ZNF536: variants seen among roughly 807,000 people sequenced by gnomAD.
The protein encoded by ZNF536 is zinc finger protein 536.
ZNF536 carries 13 observed loss-of-function variants against 84.5 expected under a neutral mutation model. The observed-to-expected ratio is 0.15, with a 90% CI of 0.10 to 0.24. ZNF536 has a LOEUF of 0.24. Among genes scored for constraint, ZNF536 ranks in the 10% least tolerant of loss-of-function variants. The pLI is 1.00. For missense variants in ZNF536, 1,536 were observed against 1,747.5 expected (o/e 0.88, Z 2.16); for synonymous variants, 811 against 742.5 (o/e 1.09, Z -1.50).
intron 1 of ZNF536, among the ~76,000 whole-genome samples, chr19:30,442,116 G>T (rs2052079084): frequency 6.6e-6 from 1 of 152,254 alleles, no homozygotes; most frequent in Non-Finnish European, 1.5e-5. Flanking sequence ...TGTGTGCAAA[G>T]ATGATTCCAA....
intron 1 of ZNF536, among the ~76,000 whole-genome samples, chr19:30,282,415 G>T (rs1416805232): frequency 1.4e-5 from 1 of 73,634 alleles, no homozygotes; most frequent in Non-Finnish European, 5.3e-5. Context: ...GGTGCCAACT[G>T]CAGGAGACGG....
chr19:30,617,694 T>A (rs1446584055), intron 1 of ZNF536, among the ~76,000 whole-genome samples: 20 of 152,128 alleles, frequency 1.3e-4, no homozygotes, highest in East Asian at 1.9e-4. Flanking sequence ...TCCTGTTATA[T>A]CTTTAACCCC....
At chr19:30,465,838 C>T (rs1281436470) in intron 2 of ZNF536, among the ~76,000 whole-genome samples, 2 of 152,088 alleles carry the variant, frequency 1.3e-5, no homozygotes, top group Non-Finnish European at 2.9e-5. Flanking sequence ...GCAAGCTCCA[C>T]CTCCCAGGTT....
chr19:30,603,863 G>C (rs1197853749), intron 1 of ZNF536, among the ~76,000 whole-genome samples: 2 of 152,124 alleles, frequency 1.3e-5, no homozygotes, highest in Non-Finnish European at 2.9e-5. Context: ...GCCTAGGGGG[G>C]TGGATCACCT....
chr19:30,378,709 T>G (rs930274343), intron 1 of ZNF536, among the ~76,000 whole-genome samples: 2 of 152,228 alleles, frequency 1.3e-5, no homozygotes, highest in African/African-American at 4.8e-5. Flanking sequence ...CCGAGGTCCC[T>G]TTTGCTCTAA....
chr19:30,482,046 CCTTTATA>C (rs2054111074), intron 2 of ZNF536, among the ~76,000 whole-genome samples: 1 of 152,154 alleles, frequency 6.6e-6, no homozygotes, highest in South Asian at 2.1e-4. Flanking sequence ...TACCACATTA[CCTTTATA>C]CTTTCGTTGA....
chr19:30,287,428 CGGAT>C (rs1388383880), intron 2 of ZNF536, among the ~76,000 whole-genome samples: 1 of 141,488 alleles, frequency 7.1e-6, no homozygotes, highest in African/African-American at 2.7e-5. Context: ...GATGAATAGA[CGGAT>C]GGATGGGTGG....
intron 1 of ZNF536, among the ~76,000 whole-genome samples, chr19:30,632,142 C>T (rs1322035033): frequency 6.6e-6 from 1 of 152,180 alleles, no homozygotes; most frequent in Admixed American, 6.5e-5. Context: ...TAATAGTTCA[C>T]TGGAAGAAGT....
intron 1 of ZNF536, among the ~76,000 whole-genome samples, chr19:30,439,012 C>T (rs545630116): frequency 6.6e-6 from 1 of 152,094 alleles, no homozygotes; most frequent in Non-Finnish European, 1.5e-5. Context: ...TCCTCCAGCC[C>T]CATGAGCTCT....
chr19:30,353,612 C>T (rs1158340259), intron 3 of ZNF536, among the ~76,000 whole-genome samples: 2 of 152,140 alleles, frequency 1.3e-5, no homozygotes, highest in Non-Finnish European at 2.9e-5. Flanking sequence ...CCCCGGGCTT[C>T]CAGACTGAGC....
chr19:30,436,542 T>C, intron 1 of ZNF536: 6 of 983,994 alleles, frequency 6.1e-6, no homozygotes, highest in Non-Finnish European at 7.2e-6. Context: ...ATCTCTGGTT[T>C]ATTTTTGTAA....
At chr19:30,460,551 C>T (rs778725899) in intron 2 of ZNF536, among the ~76,000 whole-genome samples, 2 of 152,168 alleles carry the variant, frequency 1.3e-5, no homozygotes, top group African/African-American at 2.4e-5. Context: ...TCTTTGGCCA[C>T]TTTCTCCAGG....
intron 1 of ZNF536, among the ~76,000 whole-genome samples, chr19:30,618,386 A>T (rs2048373525): frequency 6.6e-6 from 1 of 152,192 alleles, no homozygotes; most frequent in African/African-American, 2.4e-5. Flanking sequence ...TTTACCTTAG[A>T]TGAGTTAAAT....
intron 1 of ZNF536, among the ~76,000 whole-genome samples, chr19:30,702,269 C>T (rs968231626): frequency 3.9e-5 from 6 of 152,240 alleles, no homozygotes; most frequent in African/African-American, 1.2e-4. Flanking sequence ...CCTCTTGACC[C>T]TCCGCACTGT....
chr19:30,274,095 AC>A (rs2025998081), intron 1 of ZNF536, among the ~76,000 whole-genome samples: 1 of 152,190 alleles, frequency 6.6e-6, no homozygotes, highest in African/African-American at 2.4e-5. Context: ...ACAAAAAGTG[AC>A]CCCTGTAAAG....
intron 1 of ZNF536, among the ~76,000 whole-genome samples, chr19:30,682,380 T>C (rs1269278258): frequency 6.6e-6 from 1 of 152,162 alleles, no homozygotes; most frequent in Admixed American, 6.5e-5. Flanking sequence ...TCCCAGAATA[T>C]ACATTTGTGC....
chr19:30,331,041 G>A (rs999147890), intron 2 of ZNF536, among the ~76,000 whole-genome samples: 1 of 152,010 alleles, frequency 6.6e-6, no homozygotes, highest in Non-Finnish European at 1.5e-5. Flanking sequence ...CAGCAATTTG[G>A]GAGGTCAAGG....
chr19:30,243,508 T>A (rs1356704092), intron 1 of ZNF536, among the ~76,000 whole-genome samples: 2 of 152,190 alleles, frequency 1.3e-5, no homozygotes, highest in East Asian at 1.9e-4. Flanking sequence ...CAAATTTCCA[T>A]GTGATTGTTC....
chr19:30,598,973 T>TTCCCTCCC (rs1208275064), intron 1 of ZNF536, among the ~76,000 whole-genome samples: 8 of 66,074 alleles, frequency 1.2e-4, no homozygotes, highest in African/African-American at 2.3e-4. Context: ...CCTTCCCTCC[T>TTCCCTCCC]TCCCTCCCTC....
Sources: allele counts gnomAD v4.1 joint callset (sites outside exome capture counted in the v4.1 genomes callset), GRCh38; gene constraint gnomAD v4.1.1; transcripts MANE v1.5; gene names NCBI Gene and HGNC (gene_info 2026-07-23, HGNC 2026-07-21).